Variants in GUCY2F observed in about 807,000 individuals in gnomAD.
GUCY2F encodes guanylate cyclase 2F, retinal.
A neutral mutation model predicts 73.1 loss-of-function variants in GUCY2F; 61 were observed. The ratio of observed to expected loss-of-function variants is 0.83; its 90% confidence interval spans 0.68 to 1.03. The LOEUF is 1.03. GUCY2F is among the 50% of genes least tolerant of loss of function. GUCY2F has a pLI of 0.00. For missense variants in GUCY2F, 912 were observed against 854.3 expected, an observed-to-expected ratio of 1.07 and a Z score of -0.84; for synonymous variants, 331 against 307.8, an observed-to-expected ratio of 1.08 and a Z score of -0.79.
At chrX:109,396,751 C>T (rs1453695421) in intron 11 of GUCY2F, among the ~76,000 whole-genome samples, 2 of 112,548 alleles carry the variant, frequency 1.8e-5, no homozygotes, top group Non-Finnish European at 3.8e-5. Context: ...TTCTCAGCTC[C>T]TTGTGACATC....
rs973598479 is a variant in GUCY2F, at chrX:109,447,032, T to G, written c.1569+1037A>C. 1.1e-3 allele frequency among the ~76,000 whole-genome samples: 125 copies of G among 112,295 alleles called. 1 individual carries two copies. Among genetic ancestry groups the G allele is most frequent in the Admixed American group, 8.8e-3 (94 of 10,671 alleles). ...CAACAGGCACATGAAAAAATGCTCA[T>G]CATCACTAGCCATCAAAGAAATGCA... On this transcript the variant is annotated intron_variant, in intron 6 of 19. Coordinates refer to ENST00000218006, the MANE Select transcript of GUCY2F (RefSeq NM_001522.3).
chrX:109,466,436 C>A (rs779732521), intron 2 of GUCY2F, among the ~76,000 whole-genome samples: 1 of 111,586 alleles, frequency 9.0e-6, no homozygotes, highest in South Asian at 3.7e-4. Flanking sequence ...CAATTTAATT[C>A]TTCCTAGACT....
chrX:109,437,850 T>C (rs1299727879), intron 7 of GUCY2F, among the ~76,000 whole-genome samples: 3 of 112,839 alleles, frequency 2.7e-5, no homozygotes, highest in African/African-American at 6.4e-5. Context: ...CATCAGCTCA[T>C]TCCATTTGAC....
At position 109,409,146 on chromosome X, in the gene GUCY2F, T is replaced by G. The variant is rs1931044952; in HGVS notation, c.1814A>C (p.Asn605Thr). 2 of 1,119,280 alleles carry G rather than the reference T, an allele frequency of 1.8e-6. No homozygotes were observed. The highest frequency in any genetic ancestry group is 3.6e-5 in the African/African-American group (2 of 55,535). 92.2% of individuals were successfully genotyped at this position (1,119,280 alleles called of 1,213,427 possible). A position where few individuals can be genotyped will look rare whatever the true frequency, so the allele number is the denominator to read the frequency against. ...FEMMKDLRHE[N>T]INPLLGFFYD... ...GAAGAAACCCAATAAAGGGTTAATA[T>G]TCTCATGACGCAAGTCCTTCATCTG... Residue 605 changes from asparagine (N) to threonine (T), a missense_variant, in exon 9 of 20, where the codon AAT becomes ACT. Coordinates refer to ENST00000218006, the MANE Select transcript of GUCY2F (RefSeq NM_001522.3).
At chrX:109,407,845 GA>G (rs1224186374) in intron 9 of GUCY2F, among the ~76,000 whole-genome samples, 1 of 113,363 alleles carries the variant, frequency 8.8e-6, no homozygotes, top group African/African-American at 3.2e-5. Flanking sequence ...CTAGATTTCA[GA>G]AGATGTATGG....
rs1034259772 is a variant in GUCY2F at position 109,395,482 on chromosome X, T to C, written c.2283A>G (p.Ile761Met). ...CAGGAGGAGGCTTCTTAAGTCTGTT[T>C]ATGATTTCTGTCCAGATGCGAGAAG... ...CMMDLPAQEI[I>M]NRLKKPPPVY... Residue 761 changes from isoleucine to methionine, a missense_variant, in exon 12 of 20, where the codon ATA becomes ATG. Transcript: ENST00000218006. The C allele has an allele frequency of 1.7e-6, 2 of 1,199,261 alleles. No individual in the cohort carries two copies. The highest frequency in any genetic ancestry group is 2.3e-6 in the Non-Finnish European group (2 of 886,253).
At chrX:109,451,809 C>A (rs1237734133) in intron 5 of GUCY2F, among the ~76,000 whole-genome samples, 1 of 111,284 alleles carries the variant, frequency 9.0e-6, no homozygotes, top group Non-Finnish European at 1.9e-5. Flanking sequence ...CAGGCAACAA[C>A]ACTGACAACA....
intron 3 of GUCY2F, among the ~76,000 whole-genome samples, chrX:109,460,332 C>T (rs1047579105): frequency 9.0e-6 from 1 of 111,387 alleles, no homozygotes; most frequent in African/African-American, 3.3e-5. Context: ...AATTTCATAG[C>T]ATCAGAAATA....
intron 2 of GUCY2F, among the ~76,000 whole-genome samples, chrX:109,467,615 C>G (rs1340759444): frequency 1.8e-5 from 2 of 112,431 alleles, no homozygotes; most frequent in Middle Eastern, 4.2e-3. Flanking sequence ...CACTGAAGCA[C>G]TCATTCCACC....
chrX:109,402,058 T>C, intron 10 of GUCY2F, among the ~76,000 whole-genome samples: 1 of 111,529 alleles, frequency 9.0e-6, no homozygotes, highest in Middle Eastern at 4.6e-3. Flanking sequence ...CTTAGAGCAA[T>C]GGGAAGCCAT....
At chrX:109,459,299 G>A (rs1488327638) in intron 3 of GUCY2F, among the ~76,000 whole-genome samples, 3 of 111,456 alleles carry the variant, frequency 2.7e-5, no homozygotes, top group Non-Finnish European at 5.7e-5. Flanking sequence ...GCTTGCAGAG[G>A]GAATTACTGA....
At chrX:109,410,842 G>T (rs191634790) in intron 8 of GUCY2F, among the ~76,000 whole-genome samples, 83 of 111,319 alleles carry the variant, frequency 7.5e-4, no homozygotes, top group African/African-American at 2.6e-3. Flanking sequence ...TGATGAGAGG[G>T]GTTGAGAGTG....
Position 109,475,280 on chromosome X carries a change from G to T in GUCY2F, c.657C>A (p.Val219=). The T allele has an allele frequency of 4.1e-6, 5 of 1,210,441 alleles. No individual in the cohort carries two copies. The highest frequency in any genetic ancestry group is 5.6e-6 in the Non-Finnish European group (5 of 894,376). ...LRSHGLPVGV[V]LTTGQDSQSM... is the part of the protein sequence containing the mutation. ...TTTGGCTGTCTTGTCCTGTGGTCAG[G>T]ACGACCCCTACAGGTAAGCCGTGGC... The change falls in exon 2 of 20, where the codon GTC becomes GTA. Residue 219 remains valine (V), a synonymous_variant. Coordinates refer to ENST00000218006, the MANE Select transcript of GUCY2F (RefSeq NM_001522.3).
chrX:109,438,731 T>C (rs1262614232), intron 7 of GUCY2F, among the ~76,000 whole-genome samples: 1 of 112,383 alleles, frequency 8.9e-6, no homozygotes, highest in Non-Finnish European at 1.9e-5. Context: ...TGACTGCAGC[T>C]CTCCCAGACT....
rs1444357656 is a variant in GUCY2F, at chrX:109,465,242, A to G, written c.932T>C (p.Val311Ala). ...TTGGGACTCCACTGTAATGGTCAAC[A>G]CTGCATCATAGGCTTCCCGGAGCTT... ...NPKLREAYDA[V>A]LTITVESQEK... The change falls in exon 3 of 20, where the codon GTG becomes GCG. Residue 311 changes from valine to alanine, a missense_variant. Coordinates refer to ENST00000218006, the MANE Select transcript of GUCY2F (RefSeq NM_001522.3). 2.5e-6 allele frequency: 3 copies of G among 1,208,312 alleles called. No homozygotes were observed. Among genetic ancestry groups the G allele is most frequent in the Non-Finnish European group, 2.2e-6 (2 of 892,188 alleles).
rs762270973 is a variant in GUCY2F, at chrX:109,391,984, A to G, written c.2708T>C (p.Ile903Thr). The change falls in exon 14 of 20, where the codon ATT becomes ACT. Residue 903 changes from isoleucine to threonine, a missense_variant. Physicochemically the swap from Ile to Thr is moderately conservative, Grantham distance 89 (BLOSUM62 -1). Coordinates refer to ENST00000218006, the MANE Select transcript of GUCY2F (RefSeq NM_001522.3). ...GTCATTCAGAAGATCCACGACCTCA[A>G]TGGGCTCACTCATGGCTGAAATGGT... ...FTTISAMSEP[I>T]EVVDLLNDLY... 3.3e-6 allele frequency: 4 copies of G among 1,207,347 alleles called. No homozygotes were observed. The highest frequency in any genetic ancestry group is 2.3e-4 in the Middle Eastern group (1 of 4,327).
intron 5 of GUCY2F, among the ~76,000 whole-genome samples, chrX:109,448,655 G>A (rs1932076219): frequency 1.8e-5 from 2 of 112,284 alleles, no homozygotes; most frequent in African/African-American, 6.5e-5. Flanking sequence ...CCTAGCCTGA[G>A]GCAGAGCTGG....
intron 6 of GUCY2F, among the ~76,000 whole-genome samples, chrX:109,444,895 A>G (rs1339267103): frequency 2.7e-5 from 3 of 111,609 alleles, no homozygotes; most frequent in Non-Finnish European, 5.7e-5. Context: ...TTTTTTTTAA[A>G]TAACTGTGAG....
chrX:109,478,056 T>C (rs1367677576), intron 1 of GUCY2F, among the ~76,000 whole-genome samples: 1 of 111,904 alleles, frequency 8.9e-6, no homozygotes, highest in Non-Finnish European at 1.9e-5. Flanking sequence ...GGAAAGATGA[T>C]TCTGAGCTGA....
Sources: allele counts gnomAD v4.1 joint callset (sites outside exome capture counted in the v4.1 genomes callset), GRCh38; gene constraint gnomAD v4.1.1; transcripts MANE v1.5; gene names NCBI Gene and HGNC (gene_info 2026-07-23, HGNC 2026-07-21).